NCKAP1: variants seen among roughly 807,000 people sequenced by gnomAD.
NCKAP1 encodes nck-associated protein 1.
NCKAP1 carries 21 observed loss-of-function variants against 151.2 expected under a neutral mutation model. The observed-to-expected ratio is 0.14, with a 90% CI of 0.10 to 0.20. The LOEUF is 0.20. Ranked by LOEUF, NCKAP1 falls within the 10% of genes least tolerant of loss-of-function variation. The pLI is 1.00. For missense variants in NCKAP1, 933 were observed against 1,352.1 expected (o/e 0.69, Z 4.86); for synonymous variants, 484 against 451.8 (o/e 1.07, Z -0.90).
chr2:183,021,262 A>G (rs1475547621), intron 2 of NCKAP1, among the ~76,000 whole-genome samples: 2 of 152,222 alleles, frequency 1.3e-5, no homozygotes, highest in Admixed American at 1.3e-4. Flanking sequence ...TCATGAATGA[A>G]TAAAATGTGG....
chr2:182,956,710 A>G, intron 19 of NCKAP1, 117 bp from the exon 20 acceptor site: 2 of 1,070,504 alleles, frequency 1.9e-6, no homozygotes, highest in Non-Finnish European at 2.6e-6. Context: ...TCGACTTTTT[A>G]TTCTCCTAAA....
At chr2:182,981,198 G>C in intron 13 of NCKAP1, 46 bp downstream of exon 13, 2 of 1,581,590 alleles carry the variant, frequency 1.3e-6, no homozygotes, top group Non-Finnish European at 1.7e-6. Context: ...ACTATCAAAG[G>C]TGGGAAGGAA....
chr2:183,015,802 C>G (rs772473620), intron 2 of NCKAP1, among the ~76,000 whole-genome samples: 3 of 117,272 alleles, frequency 2.6e-5, no homozygotes, highest in Non-Finnish European at 5.5e-5. Context: ...ATTACAGAAC[C>G]AAAAAAAAAA....
At chr2:182,985,940 G>C (rs1698048456) in intron 10 of NCKAP1, among the ~76,000 whole-genome samples, 1 of 152,096 alleles carries the variant, frequency 6.6e-6, no homozygotes, top group South Asian at 2.1e-4. Flanking sequence ...TCCTTTGTGT[G>C]ATACTTCCTT....
At chr2:182,939,700 G>A (rs1404245110) in intron 24 of NCKAP1, among the ~76,000 whole-genome samples, 1 of 151,912 alleles carries the variant, frequency 6.6e-6, no homozygotes, top group Non-Finnish European at 1.5e-5. Flanking sequence ...TCTGGATATG[G>A]ACATGGGGAG....
intron 8 of NCKAP1, among the ~76,000 whole-genome samples, chr2:182,993,967 T>C (rs895401586): frequency 6.6e-6 from 1 of 152,222 alleles, no homozygotes; most frequent in African/African-American, 2.4e-5. Flanking sequence ...GTGTTCACTC[T>C]ACAATTATTT....
At chr2:183,033,777 T>C (rs561972751) in intron 1 of NCKAP1, among the ~76,000 whole-genome samples, 2 of 152,328 alleles carry the variant, frequency 1.3e-5, no homozygotes, top group South Asian at 2.1e-4. Flanking sequence ...AAGAGAATCA[T>C]TTCAAACTGG....
chr2:183,010,414 T>C (rs962077986), intron 2 of NCKAP1, among the ~76,000 whole-genome samples: 2 of 152,156 alleles, frequency 1.3e-5, no homozygotes, highest in Non-Finnish European at 2.9e-5. Flanking sequence ...AATGCACCAG[T>C]GGAATGCACT....
At chr2:182,950,068 T>G (rs1308292788) in intron 23 of NCKAP1, among the ~76,000 whole-genome samples, 1 of 152,118 alleles carries the variant, frequency 6.6e-6, no homozygotes, top group Non-Finnish European at 1.5e-5. Context: ...GAAAAATACA[T>G]GAATGTCACG....
At chr2:183,032,471 G>T (rs750575775) in intron 1 of NCKAP1, among the ~76,000 whole-genome samples, 6 of 152,048 alleles carry the variant, frequency 3.9e-5, no homozygotes, top group Non-Finnish European at 8.8e-5. Flanking sequence ...AGGGTACATG[G>T]GATATAGCCT....
rs1696426010 is a variant in NCKAP1 at position 182,913,511 on chromosome 2, CTG to C, written c.*12189_*12190del. 1 of 153,502 alleles carries C rather than the reference CTG, an allele frequency of 6.5e-6. No homozygotes were observed. The highest frequency in any genetic ancestry group is 2.1e-4 in the South Asian group (1 of 4,852). The allele number at this position is 153,502 out of a possible 1,614,324, so 9.5% of individuals were successfully genotyped here. Reference sequence around the variant, plus strand: ...TCCCACCCCCACACCATGTGATGCTCTGTGTTACCTCAGGACTCTACAGAGAC... The same window carrying C: ...TCCCACCCCCACACCATGTGATGCTCTGTTACCTCAGGACTCTACAGAGAC... On this transcript the variant is annotated 3_prime_UTR_variant, in exon 31 of 31. Transcript: ENST00000361354.
At chr2:183,021,105 A>T (rs1255470949) in intron 2 of NCKAP1, among the ~76,000 whole-genome samples, 1 of 152,240 alleles carries the variant, frequency 6.6e-6, no homozygotes, top group East Asian at 1.9e-4. Flanking sequence ...TAAGCACAGA[A>T]TTACCACGCC....
At chr2:182,981,218 G>T (rs1448840801) in intron 13 of NCKAP1, 26 bp downstream of exon 13, 1 of 1,604,476 alleles carries the variant, frequency 6.2e-7, no homozygotes, top group Non-Finnish European at 8.5e-7. Flanking sequence ...AGGAACAAAA[G>T]GGAAATAGTA....
At chr2:182,971,221 C>T (rs576269343) in intron 15 of NCKAP1, among the ~76,000 whole-genome samples, 25 of 150,856 alleles carry the variant, frequency 1.7e-4, no homozygotes, top group South Asian at 2.1e-4. Context: ...GGTGAAACCC[C>T]GTCTCTACTA....
intron 18 of NCKAP1, among the ~76,000 whole-genome samples, chr2:182,961,571 G>T (rs1361166918): frequency 1.3e-5 from 2 of 152,104 alleles, no homozygotes; most frequent in South Asian, 2.1e-4. Context: ...ACACACTGGG[G>T]CCTGTTGTGG....
chr2:183,031,902 T>C lies in NCKAP1; in HGVS notation c.108+6090A>G, dbSNP rs145065032. Among the ~76,000 whole-genome samples, 9 of 152,284 alleles carry C rather than the reference T, an allele frequency of 5.9e-5. No homozygotes were observed. The East Asian group carries it at 1.7e-3, about 29-fold the overall frequency. ...AGTACCATGGAGCTGGTTTTGCTAG[T>C]AGACAGCCAATGTGCAGCCTTCCAG... On this transcript the variant is annotated intron_variant, in intron 1 of 30. Coordinates refer to ENST00000361354, the MANE Select transcript of NCKAP1 (RefSeq NM_013436.5).
At chr2:183,012,209 A>C (rs1698601993) in intron 2 of NCKAP1, among the ~76,000 whole-genome samples, 2 of 150,772 alleles carry the variant, frequency 1.3e-5, no homozygotes, top group African/African-American at 4.9e-5. Flanking sequence ...ATAAAAACAA[A>C]ATCTACACAT....
chr2:182,956,309 G>C (rs1195439978), intron 20 of NCKAP1, among the ~76,000 whole-genome samples, 153 bp downstream of exon 20: 1 of 152,100 alleles, frequency 6.6e-6, no homozygotes, highest in Non-Finnish European at 1.5e-5. Flanking sequence ...CAAAGTGCTG[G>C]GATTATAGGC....
chr2:183,021,022 T>C (rs1008099598), intron 2 of NCKAP1, among the ~76,000 whole-genome samples: 1 of 152,144 alleles, frequency 6.6e-6, no homozygotes, highest in Admixed American at 6.5e-5. Context: ...ACTCAGGCTT[T>C]GCAAACAAAA....
Sources: allele counts gnomAD v4.1 joint callset (sites outside exome capture counted in the v4.1 genomes callset), GRCh38; gene constraint gnomAD v4.1.1; transcripts MANE v1.5; gene names NCBI Gene and HGNC (gene_info 2026-07-23, HGNC 2026-07-21).